Variants in RGL1 observed in about 807,000 individuals in gnomAD.
RGL1 encodes ral guanine nucleotide dissociation stimulator like 1.
Under a neutral mutation model 95.2 loss-of-function variants are expected in RGL1, and 24 were observed. The ratio of observed to expected loss-of-function variants is 0.25; its 90% CI spans 0.18 to 0.35. The LOEUF (loss-of-function observed/expected upper bound fraction) is 0.35, where lower values mean the gene tolerates loss of function less well. RGL1 is among the 10% of genes least tolerant of loss of function. The pLI, the probability that RGL1 is intolerant of heterozygous loss-of-function variation, is 1.00. For missense variants in RGL1, 715 were observed against 936.3 expected, an observed-to-expected ratio of 0.76 and a Z score of 3.08; for synonymous variants, 329 against 344.9, an observed-to-expected ratio of 0.95 and a Z score of 0.51.
intron 1 of RGL1, among the ~76,000 whole-genome samples, chr1:183,668,613 A>AT (rs1336430605): frequency 4.0e-5 from 6 of 151,766 alleles, no homozygotes; most frequent in Non-Finnish European, 8.8e-5. Flanking sequence ...CCTGGCTGCG[A>AT]TTTTTTCTTT....
intron 4 of RGL1, among the ~76,000 whole-genome samples, chr1:183,879,264 A>C (rs1010748838): frequency 3.3e-5 from 5 of 152,212 alleles, no homozygotes; most frequent in African/African-American, 1.2e-4. Flanking sequence ...TTTGTACTTC[A>C]ATTCCAAAAG....
chr1:183,807,292 G>A (rs1661410355), intron 2 of RGL1, among the ~76,000 whole-genome samples: 4 of 152,068 alleles, frequency 2.6e-5, no homozygotes, highest in Admixed American at 1.3e-4. Context: ...GGCGGTGAGA[G>A]GCGACCCAAA....
At chr1:183,819,616 G>A (rs1662317170) in intron 2 of RGL1, among the ~76,000 whole-genome samples, 1 of 151,990 alleles carries the variant, frequency 6.6e-6, no homozygotes. Context: ...AAATGTAATT[G>A]GCTCCATTAA....
At position 183,781,637 on chromosome 1, in the gene RGL1, AC is replaced by A. The variant is rs369033278; in HGVS notation, c.133-24735del. On this transcript the variant is annotated intron_variant, in intron 2 of 18. Coordinates refer to the RGL1 transcript ENST00000304685. ...TGCATGTACCTGAATGTATATATGT[AC>A]CCATCTCTACATATATGTGTGTGTT... Among the ~76,000 whole-genome samples the A allele has an allele frequency of 6.5e-3, 994 of 152,302 alleles. 14 individuals are homozygous for A. Among genetic ancestry groups the A allele is most frequent in the African/African-American group, 0.023 (966 of 41,574 alleles).
chr1:183,913,467 A>T (rs976994999), intron 15 of RGL1, among the ~76,000 whole-genome samples: 2 of 152,090 alleles, frequency 1.3e-5, no homozygotes, highest in Non-Finnish European at 2.9e-5. Context: ...AAGTGCTGGG[A>T]TGAGCCACCG....
intron 3 of RGL1, among the ~76,000 whole-genome samples, chr1:183,854,551 A>G (rs1014536857): frequency 6.6e-6 from 1 of 152,176 alleles, no homozygotes; most frequent in African/African-American, 2.4e-5. Flanking sequence ...AGTTGATCAG[A>G]TATAAAGCTT....
intron 2 of RGL1, among the ~76,000 whole-genome samples, chr1:183,826,907 A>G (rs1331552788): frequency 6.6e-6 from 1 of 152,032 alleles, no homozygotes; most frequent in Admixed American, 6.6e-5. Flanking sequence ...ATTTAAATGT[A>G]CCTTTTTTTT....
chr1:183,856,285 A>T (rs912421954), intron 3 of RGL1, among the ~76,000 whole-genome samples: 2 of 152,050 alleles, frequency 1.3e-5, no homozygotes, highest in Non-Finnish European at 2.9e-5. Flanking sequence ...TTACACACAC[A>T]TACACATACA....
In RGL1 at chr1:183,926,431, A is replaced by G; in HGVS notation, c.*139A>G. On this transcript the variant is annotated 3_prime_UTR_variant, in exon 18 of 18. Transcript: ENST00000360851. The stretch of plus-strand genomic sequence containing the variant: ...ATTTATTGAGTTCCTGTGGTGTGCA[A>G]AGCATTATGATAGGCACCGTGGGGA... The G allele has an allele frequency of 1.6e-6, 1 of 635,240 alleles. No individual in the cohort carries two copies. Among genetic ancestry groups the G allele is most frequent in the Non-Finnish European group, 2.6e-6 (1 of 386,136 alleles). The allele number at this position is 635,240 out of a possible 1,614,324, so 39.4% of individuals were successfully genotyped here.
At chr1:183,638,494 C>T (rs756293279) in intron 1 of RGL1, among the ~76,000 whole-genome samples, 8 of 152,016 alleles carry the variant, frequency 5.3e-5, no homozygotes, top group Non-Finnish European at 1.2e-4. Flanking sequence ...TAAATTACTT[C>T]TCTACCTTAT....
chr1:183,697,196 C>G (rs1331245856), intron 1 of RGL1, among the ~76,000 whole-genome samples: 1 of 152,160 alleles, frequency 6.6e-6, no homozygotes. Context: ...CCCCAAACCC[C>G]CATGGCTTAC....
At chr1:183,909,153 A>C (rs775617682) in intron 14 of RGL1, among the ~76,000 whole-genome samples, 8 of 152,220 alleles carry the variant, frequency 5.3e-5, no homozygotes, top group South Asian at 2.1e-4. Context: ...AGCAGTTCAT[A>C]TGCCCCCATC....
intron 2 of RGL1, among the ~76,000 whole-genome samples, chr1:183,796,988 A>G (rs1297779383): frequency 6.6e-6 from 1 of 152,226 alleles, no homozygotes; most frequent in African/African-American, 2.4e-5. Flanking sequence ...ATAGTATTTC[A>G]GTATCCAACT....
intron 1 of RGL1, among the ~76,000 whole-genome samples, chr1:183,741,739 C>T (rs1356475355): frequency 6.6e-6 from 1 of 152,154 alleles, no homozygotes; most frequent in Non-Finnish European, 1.5e-5. Flanking sequence ...ACATCATAGC[C>T]AGTGCTTCTT....
chr1:183,855,010 C>T (rs1334596405), intron 3 of RGL1, among the ~76,000 whole-genome samples: 1 of 152,136 alleles, frequency 6.6e-6, no homozygotes, highest in Non-Finnish European at 1.5e-5. Context: ...TATTTCATGA[C>T]TGTCTTTCCC....
intron 2 of RGL1, among the ~76,000 whole-genome samples, chr1:183,820,850 G>A (rs921477993): frequency 2.0e-4 from 30 of 152,152 alleles, no homozygotes; most frequent in African/African-American, 7.2e-4. Context: ...GCTGGGCGCG[G>A]TGGCTCATGC....
intron 1 of RGL1, among the ~76,000 whole-genome samples, chr1:183,657,545 G>T (rs1651267600): frequency 6.6e-6 from 1 of 151,890 alleles, no homozygotes; most frequent in Non-Finnish European, 1.5e-5. Context: ...GCAGTGTTTG[G>T]TTTTTTGTCC....
At chr1:183,659,964 A>G (rs1651486643) in intron 1 of RGL1, among the ~76,000 whole-genome samples, 1 of 151,252 alleles carries the variant, frequency 6.6e-6, no homozygotes, top group South Asian at 2.1e-4. Flanking sequence ...ACTAAGCTTC[A>G]TAAGTGAAGG....
Position 183,900,231 on chromosome 1 carries a change from A to G in RGL1, c.1312A>G (p.Ile438Val), listed in dbSNP as rs1411269600. 4 of 1,613,542 alleles carry G rather than the reference A, an allele frequency of 2.5e-6. No homozygotes were observed. The highest frequency in any genetic ancestry group is 3.4e-6 in the Non-Finnish European group (4 of 1,179,530). The change falls in exon 11 of 18, where the codon ATC becomes GTC. Residue 438 changes from isoleucine (I) to valine (V), a missense_variant. This residue lies in a region of RGL1 where 330 missense variants were observed against 429.6 expected (regional missense o/e 0.77). Transcript: ENST00000360851. ...TMLDTALQDY[I>V]EGGLINFEKR... The stretch of plus-strand genomic sequence containing the variant: ...GCTTGACACTGCCCTTCAGGACTAC[A>G]TCGAGGTGAGTTCCATGTGGGTGGT...
Sources: allele counts gnomAD v4.1 joint callset (sites outside exome capture counted in the v4.1 genomes callset), GRCh38; gene constraint gnomAD v4.1.1; regional missense constraint gnomAD v4.1.1; transcripts MANE v1.5; gene names NCBI Gene and HGNC (gene_info 2026-07-23, HGNC 2026-07-21).